Variants in RBFOX1 observed in about 807,000 individuals in gnomAD.
The protein encoded by RBFOX1 is RNA binding protein fox-1 homolog 1.
Under a neutral mutation model 57.7 loss-of-function variants are expected in RBFOX1, and 8 were observed. That is an observed-to-expected ratio of 0.14 (90% CI 0.08 to 0.25). The LOEUF (loss-of-function observed/expected upper bound fraction) is 0.25, where lower values mean the gene tolerates loss of function less well. Among genes scored for constraint, RBFOX1 ranks in the 10% least tolerant of loss-of-function variants. The pLI is 1.00. For synonymous variants in RBFOX1, 326 were observed against 222.4 expected (o/e 1.47, Z -4.15); for missense variants, 611 against 548.5 (o/e 1.11, Z -1.14).
rs894413979 is a variant in RBFOX1 at position 7,680,906 on chromosome 16, A to G, written c.995+4068A>G. 2.8e-4 allele frequency among the ~76,000 whole-genome samples: 42 copies of G among 148,208 alleles called. 1 individual carries two copies. Among genetic ancestry groups the G allele is most frequent in the Admixed American group, 1.4e-4 (2 of 14,804 alleles). On this transcript the variant is annotated intron_variant, in intron 14 of 15. Coordinates refer to ENST00000550418, the MANE Select transcript of RBFOX1 (RefSeq NM_018723.4). The stretch of plus-strand genomic sequence containing the variant: ...TTCCTCTCTGCACACACACACGTAC[A>G]CACACACACACTCACTTGTGCCTTG...
intron 3 of RBFOX1, among the ~76,000 whole-genome samples, chr16:6,671,962 A>G (rs2098768024): frequency 6.6e-6 from 1 of 152,262 alleles, no homozygotes; most frequent in South Asian, 2.1e-4. Context: ...ATAATGCGAA[A>G]TAACAATATC....
intron 1 of RBFOX1, among the ~76,000 whole-genome samples, chr16:6,226,603 G>T (rs1019599576): frequency 2.6e-5 from 4 of 152,038 alleles, no homozygotes; most frequent in Non-Finnish European, 4.4e-5. Context: ...TATAGTAAAG[G>T]TATGAAAGTC....
At chr16:5,604,004 A>C (rs528198094), downstream of RBFOX1, among the ~76,000 whole-genome samples, 3 of 152,296 alleles carry the variant, frequency 2.0e-5, no homozygotes, top group African/African-American at 7.2e-5. Flanking sequence ...GGCAGACATT[A>C]GTAATCAATG....
At chr16:7,165,443 A>C (rs956165959) in intron 4 of RBFOX1, among the ~76,000 whole-genome samples, 1 of 139,944 alleles carries the variant, frequency 7.1e-6, no homozygotes, top group East Asian at 2.1e-4. Flanking sequence ...TTATTTTACC[A>C]TTTGAGATGG....
chr16:7,629,595 A>G (rs1294802872), intron 10 of RBFOX1, among the ~76,000 whole-genome samples: 1 of 152,152 alleles, frequency 6.6e-6, no homozygotes, highest in Non-Finnish European at 1.5e-5. Flanking sequence ...AATTATTTTC[A>G]AAGTCTTGGA....
intron 4 of RBFOX1, among the ~76,000 whole-genome samples, chr16:5,966,142 T>C (rs547675131): frequency 6.6e-5 from 10 of 152,202 alleles, no homozygotes; most frequent in Admixed American, 1.3e-4. Flanking sequence ...AAATTGTAAA[T>C]TCATTGCTCA....
chr16:7,155,734 TATATAC>T (rs1414175617), intron 4 of RBFOX1, among the ~76,000 whole-genome samples: 21 of 82,462 alleles, frequency 2.5e-4, no homozygotes, highest in African/African-American at 9.6e-4. Flanking sequence ...TATATATATA[TATATAC>T]ACACACACAC....
intron 1 of RBFOX1, among the ~76,000 whole-genome samples, chr16:5,361,075 C>G (rs1405152526): frequency 6.6e-6 from 1 of 152,196 alleles, no homozygotes; most frequent in East Asian, 1.9e-4. Context: ...ATGGAACACT[C>G]TATATTCATG....
intron 3 of RBFOX1, among the ~76,000 whole-genome samples, chr16:5,697,090 C>A (rs1336711123): frequency 6.6e-6 from 1 of 151,930 alleles, no homozygotes; most frequent in Non-Finnish European, 1.5e-5. Context: ...GAATTTTGTA[C>A]TATGTGAAGG....
chr16:6,000,261 A>T (rs2060574044), intron 4 of RBFOX1, among the ~76,000 whole-genome samples: 1 of 152,172 alleles, frequency 6.6e-6, no homozygotes, highest in African/African-American at 2.4e-5. Context: ...GTAGTGGGAC[A>T]AACCGTAGAC....
At chr16:7,453,886 T>C (rs2057926549) in intron 4 of RBFOX1, among the ~76,000 whole-genome samples, 1 of 152,140 alleles carries the variant, frequency 6.6e-6, no homozygotes, top group African/African-American at 2.4e-5. Context: ...CTAGAAGTTG[T>C]CCTCGCAAAG....
At chr16:6,613,075 T>A (rs2098089758) in intron 2 of RBFOX1, among the ~76,000 whole-genome samples, 3 of 150,954 alleles carry the variant, frequency 2.0e-5, no homozygotes, top group Non-Finnish European at 4.4e-5. Flanking sequence ...ATTCACAGGA[T>A]AAATACTGTG....
intron 3 of RBFOX1, among the ~76,000 whole-genome samples, chr16:5,866,154 G>A (rs1597558236): frequency 6.6e-6 from 1 of 151,960 alleles, no homozygotes; most frequent in African/African-American, 2.4e-5. Context: ...TTTTTAGTAG[G>A]GATGGGGTTT....
intron 1 of RBFOX1, among the ~76,000 whole-genome samples, chr16:6,299,008 C>T (rs886453441): frequency 3.3e-5 from 5 of 152,170 alleles, no homozygotes; most frequent in South Asian, 2.1e-4. Flanking sequence ...CCCCTTTCCT[C>T]GTGCTATTTC....
chr16:6,802,590 T>C (rs1444723980), intron 3 of RBFOX1, among the ~76,000 whole-genome samples: 1 of 152,206 alleles, frequency 6.6e-6, no homozygotes, highest in Non-Finnish European at 1.5e-5. Context: ...GGCAGGAGAA[T>C]CGCTTGAACC....
intron 1 of RBFOX1, among the ~76,000 whole-genome samples, chr16:6,088,113 A>C (rs949324766): frequency 6.6e-6 from 1 of 152,050 alleles, no homozygotes; most frequent in Non-Finnish European, 1.5e-5. Context: ...CGTTATTTCA[A>C]CCTCATCATC....
At chr16:6,293,476 G>T (rs2077689070) in intron 1 of RBFOX1, among the ~76,000 whole-genome samples, 1 of 152,018 alleles carries the variant, frequency 6.6e-6, no homozygotes, top group Non-Finnish European at 1.5e-5. Flanking sequence ...TGAATGCATA[G>T]CCTGTCTGCC....
At chr16:5,991,015 G>C (rs776259409) in intron 4 of RBFOX1, among the ~76,000 whole-genome samples, 1 of 152,098 alleles carries the variant, frequency 6.6e-6, no homozygotes, top group Non-Finnish European at 1.5e-5. Flanking sequence ...TCCCATCAAG[G>C]TTCTCATGAA....
At chr16:7,615,815 T>TC (rs2058346425) in intron 10 of RBFOX1, among the ~76,000 whole-genome samples, 1 of 152,150 alleles carries the variant, frequency 6.6e-6, no homozygotes. Flanking sequence ...CACAAGACAT[T>TC]CCTTGACCAC....
Sources: allele counts gnomAD v4.1 joint callset (sites outside exome capture counted in the v4.1 genomes callset), GRCh38; gene constraint gnomAD v4.1.1; transcripts MANE v1.5; gene names NCBI Gene and HGNC (gene_info 2026-07-23, HGNC 2026-07-21).